Variants in RBPJ observed in about 807,000 individuals in gnomAD.
RBPJ encodes recombination signal binding protein for immunoglobulin kappa J region.
In RBPJ, 9 loss-of-function variants were observed where a neutral mutation model predicts 67.8. That is an observed-to-expected ratio of 0.13 (90% CI 0.08 to 0.23). The LOEUF (loss-of-function observed/expected upper bound fraction) is 0.23. Among genes scored for constraint, RBPJ ranks in the 10% least tolerant of loss-of-function variants. The pLI is 1.00. For synonymous variants in RBPJ, 198 were observed against 203.3 expected, an observed-to-expected ratio of 0.97 and a Z score of 0.22; for missense variants, 305 against 595.6, an observed-to-expected ratio of 0.51 and a Z score of 5.08.
intron 7 of RBPJ, among the ~76,000 whole-genome samples, chr4:26,427,407 A>G (rs990085345): frequency 1.3e-5 from 2 of 152,226 alleles, no homozygotes; most frequent in Non-Finnish European, 2.9e-5. Flanking sequence ...TTAAGTGTAC[A>G]TACAAGTTGA....
intron 1 of RBPJ, among the ~76,000 whole-genome samples, chr4:26,377,849 TTACC>T (rs1302392658): frequency 1.3e-5 from 2 of 152,246 alleles, no homozygotes; most frequent in African/African-American, 4.8e-5. Flanking sequence ...GTCTTGTAGT[TTACC>T]TAAGCCAAAC....
chr4:26,278,551 A>G (rs1224121510), intron 1 of RBPJ, among the ~76,000 whole-genome samples: 1 of 152,222 alleles, frequency 6.6e-6, no homozygotes, highest in African/African-American at 2.4e-5. Flanking sequence ...ACACATCTGC[A>G]TTGCTATCGG....
intron 1 of RBPJ, among the ~76,000 whole-genome samples, chr4:26,334,762 C>A (rs1190479230): frequency 6.6e-6 from 1 of 152,212 alleles, no homozygotes; most frequent in African/African-American, 2.4e-5. Context: ...CAGCCTATTT[C>A]ATTTTTCTGC....
At chr4:26,392,889 T>C (rs983057461) in intron 2 of RBPJ, among the ~76,000 whole-genome samples, 2 of 152,226 alleles carry the variant, frequency 1.3e-5, no homozygotes, top group African/African-American at 4.8e-5. Context: ...AAGGGATTAG[T>C]GTATCTTCTT....
At chr4:26,228,558 C>G (rs1418166881) in intron 1 of RBPJ, among the ~76,000 whole-genome samples, 2 of 152,178 alleles carry the variant, frequency 1.3e-5, no homozygotes, top group African/African-American at 4.8e-5. Flanking sequence ...CCTGTATTTC[C>G]TGATTTGCAT....
Position 26,408,898 on chromosome 4 carries a change from A to G in RBPJ, c.155+2628A>G, listed in dbSNP as rs1733741752. ...GGATTGAGGAGGAAAAGATCCTTTA[A>G]ATACTTAAACTTTGTAAACTTAACT... On this transcript the variant is annotated intron_variant, in intron 3 of 10. Coordinates refer to ENST00000355476, the MANE Select transcript of RBPJ (RefSeq NM_015874.6). Among the ~76,000 whole-genome samples the G allele has an allele frequency of 2.0e-5, 3 of 152,222 alleles. No individual in the cohort carries two copies. The South Asian group carries it at 6.2e-4, about 32-fold the overall frequency.
chr4:26,263,833 G>C (rs1216171296), intron 1 of RBPJ, among the ~76,000 whole-genome samples: 1 of 150,874 alleles, frequency 6.6e-6, no homozygotes, highest in Non-Finnish European at 1.5e-5. Context: ...GTCTCCCAAA[G>C]TGCTGGGATT....
chr4:26,216,753 T>C (rs1010116589), intron 1 of RBPJ, among the ~76,000 whole-genome samples: 1 of 152,052 alleles, frequency 6.6e-6, no homozygotes, highest in Non-Finnish European at 1.5e-5. Context: ...CAAAACCCCA[T>C]CTCTACAAAA....
At chr4:26,427,774 A>T (rs1268861760) in intron 7 of RBPJ, among the ~76,000 whole-genome samples, 4 of 152,330 alleles carry the variant, frequency 2.6e-5, no homozygotes, top group East Asian at 3.9e-4. Context: ...GGACAGGAGC[A>T]TGTAGTCAGT....
intron 1 of RBPJ, among the ~76,000 whole-genome samples, chr4:26,367,159 A>G (rs1728722332): frequency 6.6e-6 from 1 of 150,940 alleles, no homozygotes; most frequent in South Asian, 2.1e-4. Context: ...TAAAAAGAAA[A>G]TACAAATAAA....
the RBPJ span, among the ~76,000 whole-genome samples, chr4:26,155,376 A>T: frequency 6.6e-6 from 1 of 151,364 alleles, no homozygotes; most frequent in Admixed American, 6.6e-5. Flanking sequence ...CCTCAGGCAC[A>T]TGCCCTCTGG....
At chr4:26,202,522 A>G (rs569007624) in intron 1 of RBPJ, among the ~76,000 whole-genome samples, 79 of 151,720 alleles carry the variant, frequency 5.2e-4, no homozygotes, top group Non-Finnish European at 1.1e-3. Context: ...TGCTTAGGCT[A>G]AAAACCTCAG....
At chr4:26,285,984 G>A (rs569591704) in intron 1 of RBPJ, among the ~76,000 whole-genome samples, 6 of 140,448 alleles carry the variant, frequency 4.3e-5, no homozygotes, top group African/African-American at 1.2e-4. Flanking sequence ...GCTTAGTGGC[G>A]TATGCCTGTA....
intron 1 of RBPJ, 119 bp from the exon 2 acceptor site, chr4:26,386,234 G>A (rs1730899362): frequency 1.5e-6 from 1 of 665,364 alleles, no homozygotes; most frequent in Non-Finnish European, 2.6e-6. Flanking sequence ...CTGTCTTCAT[G>A]TTCTTCAGTG....
chr4:26,137,696 C>T, the RBPJ span, among the ~76,000 whole-genome samples: 1 of 152,234 alleles, frequency 6.6e-6, no homozygotes, highest in Non-Finnish European at 1.5e-5. Flanking sequence ...CTTTGGAAAA[C>T]ATGTACCTCA....
the RBPJ span, among the ~76,000 whole-genome samples, chr4:26,108,789 G>C: frequency 1.3e-5 from 2 of 152,328 alleles, no homozygotes; most frequent in Admixed American, 1.3e-4. Context: ...GGGCAGTAAA[G>C]TAAGATTAAG....
chr4:26,114,478 CATATATATAT>C, the RBPJ span, among the ~76,000 whole-genome samples: 4 of 123,158 alleles, frequency 3.2e-5, no homozygotes, highest in Non-Finnish European at 7.0e-5. Context: ...AAAGAATGTA[CATATATATAT>C]ATATATATAT....
At chr4:26,130,780 C>T in the RBPJ span, among the ~76,000 whole-genome samples, 5 of 152,290 alleles carry the variant, frequency 3.3e-5, no homozygotes, top group East Asian at 5.8e-4. Flanking sequence ...TGAAAATGTA[C>T]AAATATAAAC....
intron 5 of RBPJ, among the ~76,000 whole-genome samples, chr4:26,421,801 A>G (rs1577665582): frequency 6.6e-6 from 1 of 152,232 alleles, no homozygotes. Flanking sequence ...TTTTTGAAAC[A>G]TCATTATACG....
Sources: allele counts gnomAD v4.1 joint callset (sites outside exome capture counted in the v4.1 genomes callset), GRCh38; gene constraint gnomAD v4.1.1; transcripts MANE v1.5; gene names NCBI Gene and HGNC (gene_info 2026-07-23, HGNC 2026-07-21).